Variants in DAB1 observed in about 807,000 individuals in gnomAD.
DAB1 encodes the protein DAB adaptor protein 1.
In DAB1, 15 loss-of-function variants were observed where a neutral mutation model predicts 64.6. The observed-to-expected ratio is 0.23, with a 90% CI of 0.16 to 0.36. The LOEUF (loss-of-function observed/expected upper bound fraction) is 0.36, where lower values mean the gene tolerates loss of function less well. DAB1 is among the 10% of genes least tolerant of loss of function. The pLI is 1.00. For missense variants in DAB1, 596 were observed against 706.7 expected, an observed-to-expected ratio of 0.84 and a Z score of 1.78; for synonymous variants, 235 against 251.9, an observed-to-expected ratio of 0.93 and a Z score of 0.64.
At chr1:57,724,482 G>T (rs1277649116) in intron 6 of DAB1, among the ~76,000 whole-genome samples, 1 of 152,156 alleles carries the variant, frequency 6.6e-6, no homozygotes, top group East Asian at 1.9e-4. Context: ...CCTTTGCCTT[G>T]CTCCTCCCTG....
intron 1 of DAB1, among the ~76,000 whole-genome samples, chr1:57,831,000 G>A (rs561528208): frequency 3.9e-5 from 6 of 152,056 alleles, no homozygotes; most frequent in South Asian, 2.1e-4. Flanking sequence ...TGCAAGCTCC[G>A]CCTCCTGGGT....
At chr1:58,039,298 C>T (rs1647097343) in intron 5 of DAB1, among the ~76,000 whole-genome samples, 1 of 152,176 alleles carries the variant, frequency 6.6e-6, no homozygotes, top group Non-Finnish European at 1.5e-5. Flanking sequence ...TGGGGACAGC[C>T]TCTATTCCCC....
At chr1:57,566,699 AC>A (rs1252669093) in intron 7 of DAB1, among the ~76,000 whole-genome samples, 1 of 152,196 alleles carries the variant, frequency 6.6e-6, no homozygotes, top group African/African-American at 2.4e-5. Flanking sequence ...ATTCCTGGAC[AC>A]ATACACCCTC....
chr1:57,962,737 GCCTGTAGTT>G, intron 5 of DAB1, among the ~76,000 whole-genome samples: 1 of 151,524 alleles, frequency 6.6e-6, no homozygotes, highest in African/African-American at 2.4e-5. Flanking sequence ...GGTGGCATGT[GCCTGTAGTT>G]CCTGTAGTTC....
intron 7 of DAB1, among the ~76,000 whole-genome samples, chr1:57,544,443 T>A (rs1644834880): frequency 6.6e-6 from 1 of 152,126 alleles, no homozygotes; most frequent in Non-Finnish European, 1.5e-5. Flanking sequence ...AACGACTGGG[T>A]TGTGTTGTCT....
At chr1:57,086,091 C>A (rs992856544) in intron 4 of DAB1, among the ~76,000 whole-genome samples, 4 of 152,112 alleles carry the variant, frequency 2.6e-5, no homozygotes, top group Non-Finnish European at 5.9e-5. Context: ...ACAAGACAGG[C>A]AGGGGTCAGG....
intron 1 of DAB1, chr1:57,878,906 A>T (rs994992997): frequency 5.3e-5 from 8 of 152,234 alleles, no homozygotes; most frequent in African/African-American, 1.9e-4. Context: ...GCCCCCACAT[A>T]CGAGTAAGAA....
At chr1:58,102,173 T>A (rs1651358215) in intron 5 of DAB1, among the ~76,000 whole-genome samples, 1 of 152,246 alleles carries the variant, frequency 6.6e-6, no homozygotes, top group South Asian at 2.1e-4. Flanking sequence ...GAGCCTGGAA[T>A]CAAACCTAGT....
chr1:58,427,085 T>C (rs1170854375), intron 3 of DAB1, among the ~76,000 whole-genome samples: 1 of 151,980 alleles, frequency 6.6e-6, no homozygotes, highest in Non-Finnish European at 1.5e-5. Context: ...CCAGTGTACA[T>C]GGAGTGTGGT....
intron 1 of DAB1, among the ~76,000 whole-genome samples, chr1:57,376,234 T>C (rs572937676): frequency 6.6e-6 from 1 of 152,302 alleles, no homozygotes; most frequent in Admixed American, 6.5e-5. Context: ...AGTTAAACCC[T>C]TTCCACTCCC....
intron 6 of DAB1, among the ~76,000 whole-genome samples, chr1:57,816,077 TAA>T (rs775764283): frequency 6.6e-6 from 1 of 152,194 alleles, no homozygotes; most frequent in Non-Finnish European, 1.5e-5. Flanking sequence ...CCCTCACTGG[TAA>T]AGTGAGAGTA....
chr1:58,212,436 C>T (rs961511288), intron 4 of DAB1, among the ~76,000 whole-genome samples: 2 of 152,150 alleles, frequency 1.3e-5, no homozygotes, highest in African/African-American at 4.8e-5. Flanking sequence ...AGGTAACCTG[C>T]AAGGTTCACA....
At chr1:58,193,470 T>C (rs867100334) in intron 4 of DAB1, among the ~76,000 whole-genome samples, 4 of 152,358 alleles carry the variant, frequency 2.6e-5, no homozygotes, top group Middle Eastern at 3.4e-3. Flanking sequence ...ACATTATTCG[T>C]CTACTATGTG....
chr1:57,964,866 C>T (rs1645616270), intron 5 of DAB1, among the ~76,000 whole-genome samples: 3 of 152,004 alleles, frequency 2.0e-5, no homozygotes, highest in Non-Finnish European at 4.4e-5. Flanking sequence ...GGAAGATAGG[C>T]ATGTAAACAG....
chr1:58,288,930 A>G (rs1661753870), intron 4 of DAB1, among the ~76,000 whole-genome samples: 1 of 152,130 alleles, frequency 6.6e-6, no homozygotes, highest in Non-Finnish European at 1.5e-5. Flanking sequence ...TTCAGCACCA[A>G]ATAACTTCAT....
intron 5 of DAB1, among the ~76,000 whole-genome samples, chr1:58,133,388 C>T (rs765400339): frequency 6.6e-6 from 1 of 152,192 alleles, no homozygotes; most frequent in Non-Finnish European, 1.5e-5. Context: ...CTCATCTGAT[C>T]TGTCTGGTTT....
At chr1:57,508,414 T>C (rs1475611133) in intron 7 of DAB1, among the ~76,000 whole-genome samples, 1 of 152,226 alleles carries the variant, frequency 6.6e-6, no homozygotes, top group Non-Finnish European at 1.5e-5. Context: ...GGAATTCAAA[T>C]GTCACTGCTT....
At chr1:58,306,300 G>A (rs143926085) in intron 4 of DAB1, among the ~76,000 whole-genome samples, 6 of 152,242 alleles carry the variant, frequency 3.9e-5, no homozygotes, top group Non-Finnish European at 8.8e-5. Flanking sequence ...AGAACTGGAA[G>A]GGGCAAGGTG....
intron 5 of DAB1, among the ~76,000 whole-genome samples, chr1:58,056,699 A>C (rs1003898568): frequency 6.6e-6 from 1 of 152,134 alleles, no homozygotes; most frequent in Non-Finnish European, 1.5e-5. Context: ...GGACTACACC[A>C]TGGGCTCTCT....
Sources: allele counts gnomAD v4.1 joint callset (sites outside exome capture counted in the v4.1 genomes callset), GRCh38; gene constraint gnomAD v4.1.1; transcripts MANE v1.5; gene names NCBI Gene and HGNC (gene_info 2026-07-23, HGNC 2026-07-21).